The following INKA2 variants were observed in gnomAD, a reference collection of about 807,000 sequenced individuals.
INKA2 encodes inka box actin regulator 2, also known as PAK4-inhibitor INKA2.
Under a neutral mutation model 9.8 loss-of-function variants are expected in INKA2, and 3 were observed. The ratio of observed to expected loss-of-function variants is 0.31; its 90% confidence interval spans 0.14 to 0.79. The LOEUF is 0.79. INKA2 is among the 30% of genes least tolerant of loss of function. The pLI is 0.62. For synonymous variants in INKA2, 147 were observed against 143.3 expected, an observed-to-expected ratio of 1.03 and a Z score of -0.18; for missense variants, 392 against 384.4, an observed-to-expected ratio of 1.02 and a Z score of -0.17.
intron 1 of INKA2, among the ~76,000 whole-genome samples, chr1:111,752,346 T>C (rs538904359): frequency 6.6e-6 from 1 of 152,356 alleles, no homozygotes; most frequent in South Asian, 2.1e-4. Context: ...GTTACCTCCT[T>C]GACTTCAGTA....
At chr1:111,744,326 G>T (rs881249), upstream of INKA2, 5 of 151,998 alleles carry the variant, frequency 3.3e-5, no homozygotes, top group African/African-American at 1.2e-4. Flanking sequence ...TCATAAAAAG[G>T]TCCATGAACT....
chr1:111,736,570 A>G (rs1454942122), intron 1 of INKA2, among the ~76,000 whole-genome samples: 2 of 152,220 alleles, frequency 1.3e-5, no homozygotes, highest in Non-Finnish European at 2.9e-5. Context: ...CTTGAAAGAA[A>G]TTTACTGAAA....
chr1:111,734,409 T>C (rs1662971959), intron 1 of INKA2, among the ~76,000 whole-genome samples: 1 of 152,078 alleles, frequency 6.6e-6, no homozygotes, highest in Non-Finnish European at 1.5e-5. Context: ...TTTTTTTTCC[T>C]TTCTGGTTCA....
rs957043296 is a variant in INKA2, at chr1:111,755,591, G to A, written n.124+110C>T. 6.9e-6 allele frequency: 9 copies of A among 1,297,222 alleles called. 1 individual carries two copies. The South Asian group carries it at 1.0e-4, about 15-fold the overall frequency. The allele number at this position is 1,297,222 out of a possible 1,614,324, so 80.4% of individuals were successfully genotyped here. On this transcript the variant is annotated intron_variant and non_coding_transcript_variant, in intron 1 of 1. Transcript: ENST00000444059. Reference sequence around the variant, plus strand: ...TCACAAAGAACGGCGAGAGGGCGGTGGCGCCGGGGGCACGGCTGGGCGGCT... The same window carrying A: ...TCACAAAGAACGGCGAGAGGGCGGTAGCGCCGGGGGCACGGCTGGGCGGCT...
At position 111,723,242 on chromosome 1, in the gene INKA2, C is replaced by A; in HGVS notation, c.*3726G>T. 1 of 595,082 alleles carries A rather than the reference C, an allele frequency of 1.7e-6. No individual in the cohort carries two copies. The highest frequency in any genetic ancestry group is 2.0e-5 in the South Asian group (1 of 50,808). 36.9% of individuals were successfully genotyped at this position (595,082 alleles called of 1,614,324 possible). ...TGGGAAAGATGGAGGAGCCTCTCCC[C>A]AACAAGGCCCTAGGGAGGAGATGGG... On this transcript the variant is annotated 3_prime_UTR_variant, in exon 2 of 2. Coordinates refer to ENST00000357260, the MANE Select transcript of INKA2 (RefSeq NM_019099.5).
intron 1 of INKA2, chr1:111,744,570 C>CTTTTTTTTT (rs3085877): frequency 7.1e-6 from 1 of 141,080 alleles, no homozygotes; most frequent in Non-Finnish European, 1.5e-5. Flanking sequence ...TGCCATCACT[C>CTTTTTTTTT]TTTTTTTTTT....
chr1:111,733,014 A>G (rs1662944055), intron 1 of INKA2, among the ~76,000 whole-genome samples: 1 of 152,070 alleles, frequency 6.6e-6, no homozygotes, highest in Non-Finnish European at 1.5e-5. Flanking sequence ...CCTGATCCCC[A>G]CGGCTAAACT....
At chr1:111,755,504 C>T in intron 1 of INKA2, 1 of 609,986 alleles carries the variant, frequency 1.6e-6, no homozygotes, top group Non-Finnish European at 2.8e-6. Context: ...GGCCGCGAAG[C>T]GAGACAGGCC....
At chr1:111,749,320 G>A (rs1294047497) in intron 1 of INKA2, among the ~76,000 whole-genome samples, 1 of 152,196 alleles carries the variant, frequency 6.6e-6, no homozygotes, top group Non-Finnish European at 1.5e-5. Context: ...CTGTGGCTCT[G>A]TTCTTGGTGT....
At chr1:111,740,489 C>T (rs1241161667), upstream of INKA2, among the ~76,000 whole-genome samples, 1 of 152,218 alleles carries the variant, frequency 6.6e-6, no homozygotes, top group Non-Finnish European at 1.5e-5. Flanking sequence ...CAGCCGGGGA[C>T]GGTGGCGGAG....
intron 1 of INKA2, chr1:111,745,293 A>ATATATAT (rs1358304932): frequency 8.5e-4 from 42 of 49,268 alleles, no homozygotes; most frequent in African/African-American, 1.5e-3. Context: ...ATATATATAT[A>ATATATAT]TTTTTTTTTT....
rs140925986 is a variant in INKA2, at chr1:111,726,711, G to GCA, written c.*255_*256dup. On this transcript the variant is annotated 3_prime_UTR_variant, in exon 2 of 2. Coordinates refer to ENST00000357260, the MANE Select transcript of INKA2 (RefSeq NM_019099.5). ...ATGCATGCCAGACAGACACACACAT[G>GCA]CACACACACACACACACACGCACAG... The GCA allele has an allele frequency of 0.018, 8,308 of 452,648 alleles. 139 individuals carry two copies. The highest frequency in any genetic ancestry group is 0.085 in the African/African-American group (4,226 of 49,560). The allele number at this position is 452,648 out of a possible 1,614,324, so 28.0% of individuals were successfully genotyped here. A position where few individuals can be genotyped will look rare whatever the true frequency, so the allele number is the denominator to read the frequency against.
Position 111,726,188 on chromosome 1 carries a change from G to A in INKA2, c.*780C>T, listed in dbSNP as rs931737676. ...GCTTGTTTCCTTATCTGGAAAATGG[G>A]ATCATGCCTGCCTGCCTCGCTCACT... On this transcript the variant is annotated 3_prime_UTR_variant, in exon 2 of 2. Transcript: ENST00000357260. 1 of 397,472 alleles carries A rather than the reference G, an allele frequency of 2.5e-6. No homozygotes were observed. The highest frequency in any genetic ancestry group is 3.6e-5 in the East Asian group (1 of 28,006). 24.6% of individuals were successfully genotyped at this position (397,472 alleles called of 1,614,324 possible).
chr1:111,745,481 T>G (rs1435701508), intron 1 of INKA2: 2 of 150,686 alleles, frequency 1.3e-5, no homozygotes, highest in Non-Finnish European at 3.0e-5. Context: ...ATGGTTTTTT[T>G]TGTGGAGACA....
chr1:111,754,773 T>C (rs976889836), intron 1 of INKA2: 4 of 152,242 alleles, frequency 2.6e-5, no homozygotes, highest in African/African-American at 9.7e-5. Flanking sequence ...ACATTTCCTA[T>C]GTGTCAGATT....
At chr1:111,751,559 T>G (rs904554438) in intron 1 of INKA2, among the ~76,000 whole-genome samples, 20 of 152,216 alleles carry the variant, frequency 1.3e-4, no homozygotes, top group African/African-American at 4.8e-4. Flanking sequence ...ATTACTAATC[T>G]TCTTCTGAGG....
chr1:111,723,042 G>T lies in INKA2; in HGVS notation c.*3926C>A. ...TGCTCAAGCTTCCACAGTGACAGAG[G>T]GGGCTCTCAAATCTTAACTCCAAGT... On this transcript the variant is annotated 3_prime_UTR_variant, in exon 2 of 2. Transcript: ENST00000357260. The T allele has an allele frequency of 1.4e-6, 1 of 701,886 alleles. No individual in the cohort carries two copies. The highest frequency in any genetic ancestry group is 2.6e-6 in the Non-Finnish European group (1 of 384,584). The allele number at this position is 701,886 out of a possible 1,614,324, so 43.5% of individuals were successfully genotyped here.
chr1:111,746,607 G>C (rs759982816), intron 1 of INKA2: 10 of 152,204 alleles, frequency 6.6e-5, no homozygotes, highest in African/African-American at 9.7e-5. Flanking sequence ...CTTCATCAGG[G>C]CATGTGGCCT....
intron 1 of INKA2, among the ~76,000 whole-genome samples, chr1:111,733,678 G>T (rs944079626): frequency 6.6e-6 from 1 of 152,138 alleles, no homozygotes; most frequent in Non-Finnish European, 1.5e-5. Flanking sequence ...CCCCACAGAG[G>T]TTGTGTGGGG....
Sources: gnomAD v4.1 joint callset for allele counts (sites outside exome capture counted in the v4.1 genomes callset) on GRCh38, gnomAD v4.1.1 for gene constraint, MANE v1.5 for transcripts, NCBI Gene and HGNC (gene_info 2026-07-23, HGNC 2026-07-21) for gene names.